The following NFAM1 variants were observed in gnomAD, a reference collection of about 807,000 sequenced individuals.
NFAM1 encodes NFAT activation molecule 1.
Under a neutral mutation model 29.0 loss-of-function variants are expected in NFAM1, and 17 were observed. The observed-to-expected ratio is 0.59, with a 90% CI of 0.40 to 0.88. The LOEUF is 0.88. Among genes scored for constraint, NFAM1 ranks in the 40% least tolerant of loss-of-function variants. The pLI is 0.00. For synonymous variants in NFAM1, 175 were observed against 147.2 expected, an observed-to-expected ratio of 1.19 and a Z score of -1.36; for missense variants, 324 against 344.6, an observed-to-expected ratio of 0.94 and a Z score of 0.47.
At chr22:42,389,550 G>T (rs1471516459) in intron 4 of NFAM1, among the ~76,000 whole-genome samples, 2 of 151,962 alleles carry the variant, frequency 1.3e-5, no homozygotes, top group Admixed American at 1.3e-4. Context: ...AGGTATGCCT[G>T]CTGGGAGATT....
chr22:42,387,792 G>T (rs1929202193), intron 4 of NFAM1, among the ~76,000 whole-genome samples: 1 of 152,052 alleles, frequency 6.6e-6, no homozygotes. Context: ...CTCCCTGGAG[G>T]TCTCAAGCTC....
upstream of NFAM1, among the ~76,000 whole-genome samples, chr22:42,433,683 G>A (rs1040226655): frequency 4.6e-5 from 7 of 152,128 alleles, no homozygotes; most frequent in African/African-American, 1.7e-4. Context: ...AGCAGGGGCC[G>A]CCCACCAGGG....
chr22:42,423,550 G>GAAAT (rs60005859), intron 1 of NFAM1, among the ~76,000 whole-genome samples: 217 of 151,514 alleles, frequency 1.4e-3, no homozygotes, highest in African/African-American at 4.9e-3. Context: ...CCCCATTTCT[G>GAAAT]AAATAAATAA....
At chr22:42,387,174 T>G (rs903141474) in intron 4 of NFAM1, 96 bp from the exon 5 acceptor site, 12 of 678,610 alleles carry the variant, frequency 1.8e-5, no homozygotes, top group Admixed American at 6.6e-5. Flanking sequence ...CACCCCACCG[T>G]GGGAGCCCAG....
At chr22:42,413,515 C>G (rs550671689) in intron 1 of NFAM1, among the ~76,000 whole-genome samples, 2 of 152,288 alleles carry the variant, frequency 1.3e-5, no homozygotes, top group Admixed American at 1.3e-4. Flanking sequence ...GTGGCTCATG[C>G]CTGTAATCCT....
chr22:42,407,058 A>C (rs1339122346), intron 3 of NFAM1, among the ~76,000 whole-genome samples: 1 of 147,492 alleles, frequency 6.8e-6, no homozygotes, highest in African/African-American at 2.5e-5. Flanking sequence ...TACAGGCATG[A>C]GCCACCGCAC....
At chr22:42,412,176 G>A (rs1487850896) in intron 1 of NFAM1, among the ~76,000 whole-genome samples, 1 of 151,930 alleles carries the variant, frequency 6.6e-6, no homozygotes, top group Non-Finnish European at 1.5e-5. Context: ...AGGTTGCAGT[G>A]AGCAGAGATC....
At chr22:42,399,443 T>C (rs1186690010) in intron 3 of NFAM1, among the ~76,000 whole-genome samples, 1 of 98,200 alleles carries the variant, frequency 1.0e-5, no homozygotes, top group Non-Finnish European at 1.9e-5. Flanking sequence ...CGAGATCCCA[T>C]CTCAAAAAAA....
chr22:42,420,594 T>C (rs1930414536), intron 1 of NFAM1, among the ~76,000 whole-genome samples: 1 of 151,852 alleles, frequency 6.6e-6, no homozygotes, highest in South Asian at 2.1e-4. Context: ...GGTGAAACAC[T>C]GTCTCTACTA....
chr22:42,415,913 A>C (rs733278), intron 1 of NFAM1, among the ~76,000 whole-genome samples: 25,087 of 152,184 alleles, frequency 0.16, 2,201 homozygotes, highest in South Asian at 0.29. Flanking sequence ...TGCCGTGGCA[A>C]CATCCCCAGT....
intron 1 of NFAM1, among the ~76,000 whole-genome samples, chr22:42,425,693 T>C (rs554864750): frequency 6.6e-6 from 1 of 152,312 alleles, no homozygotes; most frequent in East Asian, 1.9e-4. Context: ...AGACCCTCTC[T>C]CTTTGACCTT....
chr22:42,405,239 G>A (rs1445430520), intron 3 of NFAM1, among the ~76,000 whole-genome samples: 1 of 152,174 alleles, frequency 6.6e-6, no homozygotes, highest in Non-Finnish European at 1.5e-5. Context: ...TCAGCAAATG[G>A]GGGGCTCAAG....
chr22:42,421,411 C>T (rs950951660), intron 1 of NFAM1, among the ~76,000 whole-genome samples: 2 of 148,686 alleles, frequency 1.3e-5, no homozygotes, highest in Non-Finnish European at 3.0e-5. Context: ...CATCATTGCA[C>T]TCCAGCCTGG....
chr22:42,389,877 C>A (rs1929275809), intron 4 of NFAM1, among the ~76,000 whole-genome samples: 2 of 152,316 alleles, frequency 1.3e-5, no homozygotes, highest in Admixed American at 6.5e-5. Context: ...GTCCCTGGGC[C>A]TGGACCTAGT....
chr22:42,418,973 A>G (rs2147114705), intron 1 of NFAM1, among the ~76,000 whole-genome samples: 1 of 152,256 alleles, frequency 6.6e-6, no homozygotes, highest in East Asian at 1.9e-4. Flanking sequence ...AGAGTTTGTC[A>G]ACCGCCCACG....
At chr22:42,428,409 G>A (rs536641795) in intron 1 of NFAM1, among the ~76,000 whole-genome samples, 65 of 152,268 alleles carry the variant, frequency 4.3e-4, no homozygotes, top group Non-Finnish European at 7.2e-4. Flanking sequence ...GGTCTCAGCC[G>A]GGAGCAGGCA....
intron 1 of NFAM1, among the ~76,000 whole-genome samples, chr22:42,428,248 C>T (rs1165752284): frequency 6.6e-6 from 1 of 152,138 alleles, no homozygotes; most frequent in Non-Finnish European, 1.5e-5. Flanking sequence ...CCGCTCTGTC[C>T]CCACTCCGCG....
At chr22:42,397,261 C>G (rs1250929785) in intron 4 of NFAM1, among the ~76,000 whole-genome samples, 3 of 152,196 alleles carry the variant, frequency 2.0e-5, no homozygotes, top group Non-Finnish European at 2.9e-5. Flanking sequence ...CCTTCCACTT[C>G]CTGGAGATGC....
intron 4 of NFAM1, among the ~76,000 whole-genome samples, chr22:42,389,804 C>T (rs909777376): frequency 1.3e-5 from 2 of 152,190 alleles, no homozygotes; most frequent in Non-Finnish European, 2.9e-5. Flanking sequence ...ATCCAACTGG[C>T]AGAGGTGTGA....
Sources: gnomAD v4.1 joint callset for allele counts (sites outside exome capture counted in the v4.1 genomes callset) on GRCh38, gnomAD v4.1.1 for gene constraint, MANE v1.5 for transcripts, NCBI Gene and HGNC (gene_info 2026-07-23, HGNC 2026-07-21) for gene names.